Variants in SLC4A10 observed in about 807,000 individuals in gnomAD.
The protein encoded by SLC4A10 is solute carrier family 4 member 10.
A neutral mutation model predicts 137.7 loss-of-function variants in SLC4A10; 42 were observed. The observed-to-expected ratio is 0.30, with a 90% CI of 0.24 to 0.39. The LOEUF is 0.39. SLC4A10 is among the 10% of genes least tolerant of loss of function. The pLI is 1.00. For synonymous variants in SLC4A10, 474 were observed against 464.1 expected (o/e 1.02, Z -0.27); for missense variants, 925 against 1,355.0 (o/e 0.68, Z 4.98).
Position 161,905,736 on chromosome 2 carries a change from CT to C in SLC4A10, c.1848del (p.Val617SerfsTer15). 6.2e-7 allele frequency: 1 copy of C among 1,613,940 alleles called. No homozygotes were observed. The highest frequency in any genetic ancestry group is 8.5e-7 in the Non-Finnish European group (1 of 1,179,886). Reference protein sequence around the residue: ...IILVATDASSLVCYITRFTEE... With the variant: ...IILVATDASSXVCYITRFTEE... Reference sequence around the variant, plus strand: ...ACTTGTGGCCACAGATGCTAGTTCCCTTGTCTGCTACATCACTCGGTTTACT... The same window carrying C: ...ACTTGTGGCCACAGATGCTAGTTCCCTGTCTGCTACATCACTCGGTTTACT... On this transcript the variant is annotated frameshift_variant, in exon 15 of 27. Transcript: ENST00000446997. LOFTEE classifies it high-confidence loss of function.
intron 15 of SLC4A10, among the ~76,000 whole-genome samples, chr2:161,939,769 T>G (rs982651625): frequency 5.9e-5 from 9 of 152,096 alleles, no homozygotes; most frequent in Non-Finnish European, 1.3e-4. Context: ...AATTTTAGAT[T>G]TTCTATAATT....
At chr2:161,676,862 G>C (rs560919367) in intron 1 of SLC4A10, among the ~76,000 whole-genome samples, 102 of 152,218 alleles carry the variant, frequency 6.7e-4, no homozygotes, top group Non-Finnish European at 1.3e-3. Context: ...CCTACAGGGC[G>C]TGCTGTATGG....
chr2:161,963,401 G>T (rs549321146), intron 21 of SLC4A10, among the ~76,000 whole-genome samples: 54 of 152,132 alleles, frequency 3.5e-4, no homozygotes, highest in African/African-American at 1.3e-3. Context: ...ATATATAAAT[G>T]ACGTGACAGT....
chr2:161,874,049 C>G (rs2125932178), intron 8 of SLC4A10, 44 bp downstream of exon 8: 2 of 1,524,114 alleles, frequency 1.3e-6, no homozygotes, highest in East Asian at 4.8e-5. Context: ...GTTCAAAGCT[C>G]ATTTCACTGT....
intron 4 of SLC4A10, among the ~76,000 whole-genome samples, chr2:161,852,431 C>A (rs2059885019): frequency 6.6e-6 from 1 of 152,192 alleles, no homozygotes; most frequent in Non-Finnish European, 1.5e-5. Flanking sequence ...GTTGTATCCA[C>A]TCCCCTGATG....
chr2:161,798,695 CAT>C (rs1312821982), intron 2 of SLC4A10, among the ~76,000 whole-genome samples: 2 of 151,204 alleles, frequency 1.3e-5, no homozygotes, highest in African/African-American at 2.4e-5. Context: ...TCTGAATTGA[CAT>C]ATGTGTCTTT....
intron 1 of SLC4A10, among the ~76,000 whole-genome samples, chr2:161,663,494 ATAT>A (rs1423331463): frequency 2.6e-5 from 4 of 152,180 alleles, no homozygotes; most frequent in African/African-American, 7.2e-5. Context: ...GATATTGTGA[ATAT>A]TGCACCACAT....
intron 18 of SLC4A10, 132 bp from the exon 19 acceptor site, chr2:161,950,555 T>C (rs1438455842): frequency 8.5e-6 from 6 of 703,232 alleles, no homozygotes; most frequent in Non-Finnish European, 1.4e-5. Context: ...ATGAGTATTA[T>C]TATTATTTAT....
At chr2:161,897,561 G>A (rs1190023960) in intron 11 of SLC4A10, among the ~76,000 whole-genome samples, 1 of 151,912 alleles carries the variant, frequency 6.6e-6, no homozygotes, top group Non-Finnish European at 1.5e-5. Flanking sequence ...GAAACTATAT[G>A]GATACCTCAT....
chr2:161,865,014 A>C (rs1476798206), intron 6 of SLC4A10, among the ~76,000 whole-genome samples: 2 of 152,148 alleles, frequency 1.3e-5, no homozygotes, highest in East Asian at 3.8e-4. Context: ...TTTTACCTTC[A>C]TAACTTTTGC....
At chr2:161,813,204 G>GT (rs1438720890) in intron 3 of SLC4A10, among the ~76,000 whole-genome samples, 5 of 151,780 alleles carry the variant, frequency 3.3e-5, no homozygotes, top group Admixed American at 2.0e-4. Flanking sequence ...GGACTCCTAG[G>GT]TTTTTTCCTT....
intron 1 of SLC4A10, among the ~76,000 whole-genome samples, chr2:161,702,838 T>C (rs975742331): frequency 6.6e-6 from 1 of 151,982 alleles, no homozygotes; most frequent in Middle Eastern, 3.4e-3. Flanking sequence ...TCTTTGTCTA[T>C]AAGCGTAGAA....
chr2:161,879,615 T>G (rs1004388951), intron 9 of SLC4A10, among the ~76,000 whole-genome samples: 4 of 151,616 alleles, frequency 2.6e-5, no homozygotes, highest in African/African-American at 9.7e-5. Flanking sequence ...TCTCAAAGAT[T>G]GCATTAAATT....
chr2:161,660,753 A>G (rs2038270163), intron 1 of SLC4A10, among the ~76,000 whole-genome samples: 1 of 150,988 alleles, frequency 6.6e-6, no homozygotes, highest in Non-Finnish European at 1.5e-5. Context: ...TCACGGGTTC[A>G]AGCAATTCTC....
chr2:161,775,914 A>G (rs1477597992), intron 2 of SLC4A10, among the ~76,000 whole-genome samples: 1 of 151,938 alleles, frequency 6.6e-6, no homozygotes, highest in African/African-American at 2.4e-5. Flanking sequence ...AGAAAATTTA[A>G]TAGCTAAAGG....
intron 2 of SLC4A10, 33 bp downstream of exon 2, chr2:161,771,087 G>A: frequency 7.0e-7 from 1 of 1,432,860 alleles, no homozygotes; most frequent in Non-Finnish European, 9.7e-7. Flanking sequence ...AGCTATTGGT[G>A]TGCTTTCCAA....
chr2:161,813,595 A>G (rs1332784675), intron 3 of SLC4A10, among the ~76,000 whole-genome samples: 1 of 152,160 alleles, frequency 6.6e-6, no homozygotes, highest in Non-Finnish European at 1.5e-5. Context: ...TTCAAGTTCC[A>G]TCTGCTTATA....
chr2:161,627,160 T>G (rs187832647), intron 1 of SLC4A10, among the ~76,000 whole-genome samples: 8 of 152,248 alleles, frequency 5.3e-5, no homozygotes, highest in Admixed American at 4.6e-4. Context: ...ATTGTCAATG[T>G]TGCTGTAAAA....
intron 15 of SLC4A10, among the ~76,000 whole-genome samples, chr2:161,917,994 T>A (rs1010103876): frequency 6.6e-6 from 1 of 152,214 alleles, no homozygotes; most frequent in African/African-American, 2.4e-5. Context: ...CCAAGACATC[T>A]AATGCTTTGT....
Sources: gnomAD v4.1 joint callset for allele counts (sites outside exome capture counted in the v4.1 genomes callset) on GRCh38, gnomAD v4.1.1 for gene constraint, MANE v1.5 for transcripts, NCBI Gene and HGNC (gene_info 2026-07-23, HGNC 2026-07-21) for gene names.